Variants in GABRA1 observed in about 807,000 individuals in gnomAD.
The protein encoded by GABRA1 is gamma-aminobutyric acid receptor subunit alpha-1.
GABRA1 carries 9 observed loss-of-function variants against 48.9 expected under a neutral mutation model. The observed-to-expected ratio is 0.18, with a 90% CI of 0.11 to 0.32. GABRA1 has a LOEUF of 0.32. GABRA1 is among the 10% of genes least tolerant of loss of function. The pLI, the probability that GABRA1 is intolerant of heterozygous loss-of-function variation, is 1.00. For synonymous variants in GABRA1, 210 were observed against 198.7 expected (o/e 1.06, Z -0.48); for missense variants, 285 against 553.8 (o/e 0.51, Z 4.87).
At chr5:161,883,640 C>T (rs1754713121) in intron 7 of GABRA1, among the ~76,000 whole-genome samples, 1 of 152,024 alleles carries the variant, frequency 6.6e-6, no homozygotes, top group African/African-American at 2.4e-5. Context: ...TGACTTTATT[C>T]ACTCTTATTT....
rs892371903 is a variant in GABRA1 at position 161,886,682 on chromosome 5, G to A, written c.703+3981G>A. Among the ~76,000 whole-genome samples, 62 of 152,084 alleles carry A rather than the reference G, an allele frequency of 4.1e-4. 1 individual carries two copies. The highest frequency in any genetic ancestry group is 1.4e-3 in the African/African-American group (59 of 41,496). Reference sequence around the variant, plus strand: ...TCCCAGCCACTTGGGAGGCCAAGATGGGAGGATCACCTGAACCCAGGGAGG... The same window carrying A: ...TCCCAGCCACTTGGGAGGCCAAGATAGGAGGATCACCTGAACCCAGGGAGG... On this transcript the variant is annotated intron_variant, in intron 7 of 9. Transcript: ENST00000393943.
chr5:161,863,978 C>A (rs919102939), intron 3 of GABRA1, among the ~76,000 whole-genome samples: 1 of 151,796 alleles, frequency 6.6e-6, no homozygotes, highest in African/African-American at 2.4e-5. Context: ...GAAACTTCCC[C>A]CCTTGCTGCC....
chr5:161,852,051 G>A (rs902089115), intron 2 of GABRA1, among the ~76,000 whole-genome samples: 4 of 151,966 alleles, frequency 2.6e-5, no homozygotes, highest in East Asian at 3.9e-4. Context: ...CATCTTATTC[G>A]TAGGGTTTTT....
At chr5:161,889,525 G>A (rs1754994972) in intron 7 of GABRA1, among the ~76,000 whole-genome samples, 1 of 152,036 alleles carries the variant, frequency 6.6e-6, no homozygotes, top group Non-Finnish European at 1.5e-5. Context: ...TACTTGGGCT[G>A]GAACCAACCT....
intron 4 of GABRA1, among the ~76,000 whole-genome samples, chr5:161,868,650 C>A (rs1265048855): frequency 6.6e-6 from 1 of 152,142 alleles, no homozygotes; most frequent in Admixed American, 6.6e-5. Flanking sequence ...CAGTCTCTGG[C>A]ACCTGGCATG....
At chr5:161,888,666 T>C (rs1345969637) in intron 7 of GABRA1, among the ~76,000 whole-genome samples, 1 of 152,050 alleles carries the variant, frequency 6.6e-6, no homozygotes, top group Non-Finnish European at 1.5e-5. Flanking sequence ...GCCCCTGAGA[T>C]GGTGAAGTGT....
At chr5:161,885,882 A>C in intron 7 of GABRA1, among the ~76,000 whole-genome samples, 1 of 152,126 alleles carries the variant, frequency 6.6e-6, no homozygotes, top group East Asian at 1.9e-4. Context: ...TCCTTAAATC[A>C]CTTGTTCATT....
intron 3 of GABRA1, among the ~76,000 whole-genome samples, chr5:161,856,363 G>A (rs934302093): frequency 1.3e-5 from 2 of 151,356 alleles, no homozygotes; most frequent in African/African-American, 4.8e-5. Flanking sequence ...TTAAAGAGCA[G>A]AAATAGTAGT....
intron 1 of GABRA1, chr5:161,848,876 T>C (rs530718056): frequency 1.0e-4 from 45 of 428,666 alleles, no homozygotes; most frequent in African/African-American, 8.1e-4. Flanking sequence ...CCTGTCTCAC[T>C]GTTCCATCAT....
intron 6 of GABRA1, 70 bp downstream of exon 6, chr5:161,875,712 AGAAAAACG>A: frequency 8.7e-7 from 1 of 1,145,980 alleles, no homozygotes; most frequent in Non-Finnish European, 1.3e-6. Flanking sequence ...TATATCTGTG[AGAAAAACG>A]CGTAGATAAG....
rs960534711 is a variant in GABRA1, at chr5:161,850,889, G to T, written c.74+5G>T. ...GAGCACACTGACTGGAAGAAGGTGG[G>T]GACACTTTTTTAAAAATCTGCATGA... On this transcript the variant is annotated splice_donor_5th_base_variant and intron_variant, in intron 2 of 9. Coordinates refer to ENST00000393943, the MANE Select transcript of GABRA1 (RefSeq NM_001127644.2). The T allele has an allele frequency of 6.2e-7, 1 of 1,611,616 alleles. No individual in the cohort carries two copies. Among genetic ancestry groups the T allele is most frequent in the African/African-American group, 1.3e-5 (1 of 74,926 alleles).
rs775344663 is a variant in GABRA1, at chr5:161,897,156, G to T, written c.1105G>T (p.Ala369Ser). 1.2e-6 allele frequency: 2 copies of T among 1,613,796 alleles called. No homozygotes were observed. The highest frequency in any genetic ancestry group is 2.2e-5 in the East Asian group (1 of 44,874). ...TCTTATTAAGAAAAACAACACTTAC[G>T]CTCCAACAGCAACCAGCTACACCCC... ...DPLIKKNNTYAPTATSYTPNL... is the reference protein window; with the variant it reads ...DPLIKKNNTYSPTATSYTPNL... Residue 369 changes from alanine to serine, a missense_variant, in exon 10 of 10, where the codon GCT (alanine) becomes TCT (serine). Physicochemically the swap from Ala to Ser is moderately conservative, Grantham distance 99 (BLOSUM62 1). Transcript: ENST00000393943.
intron 7 of GABRA1, among the ~76,000 whole-genome samples, chr5:161,890,288 T>C (rs1368904380): frequency 6.6e-6 from 1 of 152,080 alleles, no homozygotes; most frequent in Non-Finnish European, 1.5e-5. Flanking sequence ...TAGTTGGGAT[T>C]TGAAGAACTG....
intron 8 of GABRA1, among the ~76,000 whole-genome samples, chr5:161,893,023 AT>A (rs1755181052): frequency 9.1e-6 from 1 of 109,412 alleles, no homozygotes; most frequent in African/African-American, 4.8e-5. Context: ...AATAATAATA[AT>A]AATAATAATA....
Position 161,861,620 on chromosome 5 carries a change from A to G in GABRA1, c.188-4101A>G, listed in dbSNP as rs569378702. ...TTAGTAGCTGAATACAGCCAAAACTAAGTAGCTCTACATATCATCTAGGGG... is the reference window on the plus strand; with the variant it reads ...TTAGTAGCTGAATACAGCCAAAACTGAGTAGCTCTACATATCATCTAGGGG... On this transcript the variant is annotated intron_variant, in intron 3 of 9. Transcript: ENST00000393943. Among the ~76,000 whole-genome samples, 3 of 151,962 alleles carry G rather than the reference A, an allele frequency of 2.0e-5. No individual in the cohort carries two copies. The South Asian group carries it at 6.2e-4, about 32-fold the overall frequency.
In GABRA1 at chr5:161,854,289, T is replaced by C. The variant is rs1032663406; in HGVS notation, c.187+19T>C. 7.5e-7 allele frequency: 1 copy of C among 1,329,650 alleles called. No individual in the cohort carries two copies. The highest frequency in any genetic ancestry group is 1.1e-6 in the Non-Finnish European group (1 of 920,636). The allele number at this position is 1,329,650 out of a possible 1,614,324, so 82.4% of individuals were successfully genotyped here. A position where few individuals can be genotyped will look rare whatever the true frequency, so the allele number is the denominator to read the frequency against. On this transcript the variant is annotated intron_variant, in intron 3 of 9. Coordinates refer to ENST00000393943, the MANE Select transcript of GABRA1 (RefSeq NM_001127644.2). The stretch of plus-strand genomic sequence containing the variant: ...TTGGGAGGTAGGTTGCATTATTGTA[T>C]TTTTGTTTTAGAGAATAATATGAGA...
At chr5:161,890,818 T>G in intron 7 of GABRA1, 80 bp from the exon 8 acceptor site, 1 of 1,285,040 alleles carries the variant, frequency 7.8e-7, no homozygotes, top group South Asian at 1.2e-5. Flanking sequence ...TCCCAGACCT[T>G]TGGTACTCAT....
chr5:161,897,683 G>T lies in GABRA1; in HGVS notation c.*261G>T. The T allele has an allele frequency of 2.3e-6, 1 of 432,364 alleles. No homozygotes were observed. Among genetic ancestry groups the T allele is most frequent in the Non-Finnish European group, 4.1e-6 (1 of 243,906 alleles). The allele number at this position is 432,364 out of a possible 1,614,324, so 26.8% of individuals were successfully genotyped here. A position where few individuals can be genotyped will look rare whatever the true frequency, so the allele number is the denominator to read the frequency against. ...AGGAGACAGAATGAGAGAGAAAAGA[G>T]GGGGAAGATGGTTCAAAGATACAAG... On this transcript the variant is annotated 3_prime_UTR_variant, in exon 10 of 10. Transcript: ENST00000393943.
chr5:161,879,990 T>A (rs969601427), intron 6 of GABRA1, among the ~76,000 whole-genome samples: 1 of 152,208 alleles, frequency 6.6e-6, no homozygotes, highest in African/African-American at 2.4e-5. Flanking sequence ...TGACACAAGA[T>A]CTAGACTTGG....
Sources: gnomAD v4.1 joint callset for allele counts (sites outside exome capture counted in the v4.1 genomes callset) on GRCh38, gnomAD v4.1.1 for gene constraint, MANE v1.5 for transcripts, NCBI Gene and HGNC (gene_info 2026-07-23, HGNC 2026-07-21) for gene names.